RGL1: variants seen among roughly 807,000 people sequenced by gnomAD.
RGL1 encodes ral guanine nucleotide dissociation stimulator-like 1.
A neutral mutation model predicts 95.2 loss-of-function variants in RGL1; 24 were observed. The ratio of observed to expected loss-of-function variants is 0.25; its 90% confidence interval spans 0.18 to 0.35. RGL1 has a LOEUF of 0.35. Among genes scored for constraint, RGL1 ranks in the 10% least tolerant of loss-of-function variants. The pLI is 1.00. For missense variants in RGL1, 715 were observed against 936.3 expected, an observed-to-expected ratio of 0.76 and a Z score of 3.08; for synonymous variants, 329 against 344.9, an observed-to-expected ratio of 0.95 and a Z score of 0.51.
At chr1:183,685,190 C>T (rs1174685) in intron 1 of RGL1, among the ~76,000 whole-genome samples, 45,912 of 151,924 alleles carry the variant, frequency 0.3, 7,319 homozygotes, top group Middle Eastern at 0.38. Flanking sequence ...CTTAAACGTT[C>T]TTTAACTCAA....
At chr1:183,859,606 C>T (rs1405387684) in intron 3 of RGL1, among the ~76,000 whole-genome samples, 1 of 152,150 alleles carries the variant, frequency 6.6e-6, no homozygotes, top group Non-Finnish European at 1.5e-5. Context: ...CAGTGTCCTT[C>T]ACAGCAAAGG....
chr1:183,706,115 C>T (rs760085395), intron 1 of RGL1, among the ~76,000 whole-genome samples: 9 of 151,942 alleles, frequency 5.9e-5, no homozygotes, highest in Non-Finnish European at 1.0e-4. Flanking sequence ...TGGGTTGATG[C>T]GTTGGGTACT....
intron 2 of RGL1, among the ~76,000 whole-genome samples, chr1:183,780,406 A>C (rs1659838442): frequency 6.6e-6 from 1 of 152,200 alleles, no homozygotes; most frequent in Non-Finnish European, 1.5e-5. Flanking sequence ...CTGTGCTGTA[A>C]CTAGCTGAAG....
intron 3 of RGL1, among the ~76,000 whole-genome samples, chr1:183,855,656 G>A (rs1157698088): frequency 6.6e-6 from 1 of 152,168 alleles, no homozygotes; most frequent in Non-Finnish European, 1.5e-5. Context: ...CCGCACGACG[G>A]GTCTCAGAGC....
At chr1:183,851,895 A>G (rs1664847223) in intron 3 of RGL1, among the ~76,000 whole-genome samples, 2 of 152,230 alleles carry the variant, frequency 1.3e-5, no homozygotes, top group Non-Finnish European at 2.9e-5. Context: ...AAGAGGAAGC[A>G]ATTATGTTGT....
At chr1:183,832,933 C>T (rs1386567373) in intron 2 of RGL1, among the ~76,000 whole-genome samples, 1 of 126,388 alleles carries the variant, frequency 7.9e-6, no homozygotes, top group African/African-American at 3.0e-5. Flanking sequence ...GAGGTAAGTG[C>T]TAAAACATTT....
chr1:183,671,013 A>C (rs1430488008), intron 1 of RGL1, among the ~76,000 whole-genome samples: 1 of 152,158 alleles, frequency 6.6e-6, no homozygotes, highest in East Asian at 1.9e-4. Context: ...CAGGAAATTT[A>C]TGATTATGGC....
chr1:183,885,539 G>A (rs192988063), intron 7 of RGL1, among the ~76,000 whole-genome samples: 23 of 152,246 alleles, frequency 1.5e-4, no homozygotes, highest in Non-Finnish European at 3.1e-4. Flanking sequence ...TCTGAGTGTT[G>A]GAGTCTAGTC....
At chr1:183,808,173 A>G (rs1302040931) in intron 2 of RGL1, among the ~76,000 whole-genome samples, 3 of 152,214 alleles carry the variant, frequency 2.0e-5, no homozygotes, top group Non-Finnish European at 2.9e-5. Flanking sequence ...ACAAACTGTC[A>G]TGTATTTAGA....
intron 1 of RGL1, among the ~76,000 whole-genome samples, chr1:183,741,857 G>A (rs1268843695): frequency 6.6e-6 from 1 of 152,170 alleles, no homozygotes; most frequent in Non-Finnish European, 1.5e-5. Flanking sequence ...GTGATGAGCA[G>A]GTATAACAGG....
intron 4 of RGL1, among the ~76,000 whole-genome samples, chr1:183,869,533 G>A (rs546439699): frequency 6.6e-5 from 10 of 152,208 alleles, no homozygotes; most frequent in Middle Eastern, 3.4e-3. Flanking sequence ...ATAATGGGTC[G>A]CTCTGTCCTA....
intron 1 of RGL1, among the ~76,000 whole-genome samples, chr1:183,657,430 TCCCTC>T (rs1651254617): frequency 1.3e-5 from 2 of 152,214 alleles, no homozygotes; most frequent in Non-Finnish European, 2.9e-5. Flanking sequence ...CCTAATGCTA[TCCCTC>T]CCCGCTCCCT....
At chr1:183,662,531 A>G (rs1392988463) in intron 1 of RGL1, among the ~76,000 whole-genome samples, 12 of 152,282 alleles carry the variant, frequency 7.9e-5, no homozygotes, top group Non-Finnish European at 8.8e-5. Flanking sequence ...TTCAAGGAGA[A>G]CTACAAACCA....
rs79426994 is a variant in RGL1, at chr1:183,843,567, A to G, written c.139-3999A>G. On this transcript the variant is annotated intron_variant, in intron 2 of 17. Coordinates refer to ENST00000360851, the MANE Select transcript of RGL1 (RefSeq NM_001297671.3). ...TTTTTCTCTGTGTTTGAATTTTGGG[A>G]CACGTCAATACTCGGTGAAAAAATA... Among the ~76,000 whole-genome samples the G allele has an allele frequency of 5.7e-3, 872 of 152,320 alleles. 37 individuals carry two copies. The East Asian group carries it at 0.097, about 17-fold the overall frequency.
intron 1 of RGL1, among the ~76,000 whole-genome samples, chr1:183,728,855 T>C (rs1240702093): frequency 3.9e-5 from 6 of 152,188 alleles, no homozygotes; most frequent in Non-Finnish European, 1.5e-5. Flanking sequence ...AATTGATTTC[T>C]GACAAAGATG....
intron 1 of RGL1, among the ~76,000 whole-genome samples, chr1:183,697,045 T>C (rs1029930493): frequency 1.3e-5 from 2 of 152,302 alleles, no homozygotes; most frequent in African/African-American, 4.8e-5. Context: ...TAGCTCCCAA[T>C]TACAATATGT....
At chr1:183,772,950 A>G (rs994763079) in intron 2 of RGL1, among the ~76,000 whole-genome samples, 10 of 139,502 alleles carry the variant, frequency 7.2e-5, no homozygotes, top group Non-Finnish European at 1.4e-4. Flanking sequence ...CGGAGCTTGC[A>G]GTGAGCCGAG....
At chr1:183,806,808 G>A (rs530719541) in intron 2 of RGL1, among the ~76,000 whole-genome samples, 1 of 152,072 alleles carries the variant, frequency 6.6e-6, no homozygotes, top group Admixed American at 6.5e-5. Context: ...TTAGACAAGA[G>A]CCATAAGCAG....
intron 15 of RGL1, 65 bp downstream of exon 15, chr1:183,912,333 G>C (rs1410776728): frequency 1.6e-5 from 21 of 1,314,562 alleles, no homozygotes; most frequent in Admixed American, 2.1e-5. Flanking sequence ...CCACACCACA[G>C]CAAGGAATGT....
Sources: allele counts gnomAD v4.1 joint callset (sites outside exome capture counted in the v4.1 genomes callset), GRCh38; gene constraint gnomAD v4.1.1; transcripts MANE v1.5; gene names NCBI Gene and HGNC (gene_info 2026-07-23, HGNC 2026-07-21).